The following CEP112 variants were observed in gnomAD, a reference collection of about 807,000 sequenced individuals.
The protein encoded by CEP112 is centrosomal protein 112, also known as centrosomal protein of 112 kDa.
Under a neutral mutation model 153.0 loss-of-function variants are expected in CEP112, and 127 were observed. That is an observed-to-expected ratio of 0.83 (90% CI 0.72 to 0.96). The LOEUF is 0.96. CEP112 is among the 40% of genes least tolerant of loss of function. The pLI, the probability that CEP112 is intolerant of heterozygous loss-of-function variation, is 0.00. For missense variants in CEP112, 1,089 were observed against 1,101.2 expected, an observed-to-expected ratio of 0.99 and a Z score of 0.16; for synonymous variants, 358 against 374.4, an observed-to-expected ratio of 0.96 and a Z score of 0.51.
At chr17:66,114,891 T>C (rs1327532826) in intron 6 of CEP112, among the ~76,000 whole-genome samples, 1 of 151,934 alleles carries the variant, frequency 6.6e-6, no homozygotes, top group African/African-American at 2.4e-5. Flanking sequence ...CTCTCAAGAA[T>C]GGCTTTTTTT....
intron 21 of CEP112, among the ~76,000 whole-genome samples, chr17:65,783,274 T>C (rs75804279): frequency 0.013 from 1,907 of 152,282 alleles, 38 homozygotes; most frequent in African/African-American, 0.043. Context: ...ATAATAATGA[T>C]GATGATGAGA....
At chr17:66,139,718 C>T (rs2070603519) in intron 4 of CEP112, among the ~76,000 whole-genome samples, 1 of 152,138 alleles carries the variant, frequency 6.6e-6, no homozygotes, top group South Asian at 2.1e-4. Flanking sequence ...AAATGCAAAA[C>T]TTACCAAGAT....
At chr17:65,911,374 T>C (rs1355875417) in intron 19 of CEP112, among the ~76,000 whole-genome samples, 1 of 152,198 alleles carries the variant, frequency 6.6e-6, no homozygotes, top group Non-Finnish European at 1.5e-5. Flanking sequence ...TGGAAGGAAA[T>C]ATGGGCAGTT....
At chr17:66,054,878 T>C (rs1226080104) in intron 11 of CEP112, among the ~76,000 whole-genome samples, 1 of 152,198 alleles carries the variant, frequency 6.6e-6, no homozygotes, top group South Asian at 2.1e-4. Context: ...TGCCTCAGCC[T>C]CCCAAGTAGC....
At chr17:66,114,095 A>G (rs761496094) in intron 6 of CEP112, among the ~76,000 whole-genome samples, 1 of 152,260 alleles carries the variant, frequency 6.6e-6, no homozygotes, top group Non-Finnish European at 1.5e-5. Context: ...AAAATATTGT[A>G]TAGAAAGCAA....
At chr17:65,981,391 C>G (rs1051765723) in intron 17 of CEP112, among the ~76,000 whole-genome samples, 2 of 152,170 alleles carry the variant, frequency 1.3e-5, no homozygotes, top group Non-Finnish European at 2.9e-5. Context: ...TAGCTAATAG[C>G]CAACATATCT....
chr17:65,697,174 T>C (rs1045682139), intron 23 of CEP112, among the ~76,000 whole-genome samples: 2 of 152,226 alleles, frequency 1.3e-5, no homozygotes, highest in Admixed American at 1.3e-4. Flanking sequence ...CAAATATTTG[T>C]TAAGTTATAA....
chr17:66,113,360 A>G (rs895273957), intron 6 of CEP112, among the ~76,000 whole-genome samples: 1 of 152,210 alleles, frequency 6.6e-6, no homozygotes, highest in Non-Finnish European at 1.5e-5. Context: ...AATTCTGCAA[A>G]TATACAAAAC....
At chr17:65,778,595 T>C (rs1465652527) in intron 21 of CEP112, among the ~76,000 whole-genome samples, 2 of 151,664 alleles carry the variant, frequency 1.3e-5, no homozygotes, top group Non-Finnish European at 2.9e-5. Flanking sequence ...TTTAATGAAT[T>C]AATTAAAAAA....
At chr17:66,126,005 G>C (rs2069832635) in intron 6 of CEP112, among the ~76,000 whole-genome samples, 3 of 152,154 alleles carry the variant, frequency 2.0e-5, no homozygotes, top group Admixed American at 2.0e-4. Flanking sequence ...TTTCAATTGT[G>C]TCAGCAAGCT....
intron 18 of CEP112, among the ~76,000 whole-genome samples, chr17:65,947,340 G>A (rs916670884): frequency 6.6e-6 from 1 of 152,096 alleles, no homozygotes; most frequent in Non-Finnish European, 1.5e-5. Context: ...ACAGTAGCTA[G>A]TAGAGAGCAG....
At chr17:65,792,583 T>TAA (rs1287154211) in intron 21 of CEP112, among the ~76,000 whole-genome samples, 1 of 9,892 alleles carries the variant, frequency 1.0e-4, no homozygotes, top group African/African-American at 1.9e-4. Flanking sequence ...TAAAAACTCT[T>TAA]TAAAAAAAAA....
chr17:65,903,432 C>A (rs1288422815), intron 19 of CEP112: 1 of 152,142 alleles, frequency 6.6e-6, no homozygotes, highest in Non-Finnish European at 1.5e-5. Flanking sequence ...CAGAAGTTTT[C>A]TTTTTAAATT....
chr17:65,839,641 C>A (rs570629413), intron 21 of CEP112, among the ~76,000 whole-genome samples: 1 of 151,982 alleles, frequency 6.6e-6, no homozygotes, highest in South Asian at 2.1e-4. Flanking sequence ...CATTTCTATT[C>A]AACACAGATA....
intron 24 of CEP112, chr17:65,688,286 A>C (rs1175954840): frequency 3.9e-5 from 6 of 152,232 alleles, no homozygotes; most frequent in Non-Finnish European, 8.8e-5. Context: ...ATGACATAGC[A>C]GACACTGTTG....
chr17:65,702,489 T>C lies in CEP112; in HGVS notation c.2608-13271A>G, dbSNP rs141764469. ...CAACTGTGGTCCAAAAAGAGGTGAG[T>C]ACAAATACAGACAAGAATATATATT... On this transcript the variant is annotated intron_variant, in intron 23 of 26. Coordinates refer to ENST00000535342, the MANE Select transcript of CEP112 (RefSeq NM_001199165.4). Among the ~76,000 whole-genome samples the C allele has an allele frequency of 3.2e-3, 488 of 152,226 alleles. 2 individuals carry two copies. The highest frequency in any genetic ancestry group is 5.7e-3 in the Non-Finnish European group (388 of 68,016).
rs200360872 is a variant in CEP112, at chr17:65,915,632, TA to T, written c.1980+11949del. Among the ~76,000 whole-genome samples, 230 of 151,158 alleles carry T rather than the reference TA, an allele frequency of 1.5e-3. 5 individuals carry two copies. The East Asian group carries it at 0.042, about 28-fold the overall frequency. ...AACCCTGTCTCTGCTAAAAATACAATAAAAAATTAGCCAGGCGTGGTGGTGG... is the reference window on the plus strand; with the variant it reads ...AACCCTGTCTCTGCTAAAAATACAATAAAAATTAGCCAGGCGTGGTGGTGG... On this transcript the variant is annotated intron_variant, in intron 19 of 26. Transcript: ENST00000535342.
Position 65,743,751 on chromosome 17 carries a change from AT to A in CEP112, c.2458-535del, listed in dbSNP as rs534361790. The stretch of plus-strand genomic sequence containing the variant: ...GAAACAGGTATTATTATTGCCTTTT[AT>A]TTTTTTTTTTAATTTTAATTTTTTT... On this transcript the variant is annotated intron_variant, in intron 22 of 26. Transcript: ENST00000535342. Among the ~76,000 whole-genome samples, 339 of 145,386 alleles carry A rather than the reference AT, an allele frequency of 2.3e-3. 2 individuals carry two copies. Among genetic ancestry groups the A allele is most frequent in the Non-Finnish European group, 3.9e-3 (254 of 65,480 alleles).
intron 17 of CEP112, among the ~76,000 whole-genome samples, chr17:65,971,170 C>T (rs2062762061): frequency 1.8e-5 from 1 of 55,014 alleles, no homozygotes; most frequent in South Asian, 1.3e-3. Context: ...ATTACATGTA[C>T]AGCACATGTA....
Sources: allele counts gnomAD v4.1 joint callset (sites outside exome capture counted in the v4.1 genomes callset), GRCh38; gene constraint gnomAD v4.1.1; transcripts MANE v1.5; gene names NCBI Gene and HGNC (gene_info 2026-07-23, HGNC 2026-07-21).